Variants in CLASP2 observed in about 807,000 individuals in gnomAD.
CLASP2 encodes the protein cytoplasmic linker associated protein 2, also known as CLIP-associating protein 2.
In CLASP2, 47 loss-of-function variants were observed where a neutral mutation model predicts 194.4. That is an observed-to-expected ratio of 0.24 (90% CI 0.19 to 0.31). The LOEUF is 0.31. CLASP2 is among the 10% of genes least tolerant of loss of function. The pLI, the probability that CLASP2 is intolerant of heterozygous loss-of-function variation, is 1.00. For missense variants in CLASP2, 1,445 were observed against 1,823.6 expected (o/e 0.79, Z 3.78); for synonymous variants, 619 against 633.5 (o/e 0.98, Z 0.34).
intron 34 of CLASP2, among the ~76,000 whole-genome samples, chr3:33,534,660 A>G (rs952859895): frequency 6.6e-6 from 1 of 152,184 alleles, no homozygotes; most frequent in Non-Finnish European, 1.5e-5. Flanking sequence ...GGGATTAGGT[A>G]GTATAATCAT....
chr3:33,576,343 C>CT, intron 23 of CLASP2, 68 bp from the exon 24 acceptor site: 2 of 1,214,112 alleles, frequency 1.6e-6, no homozygotes, highest in Non-Finnish European at 2.4e-6. Flanking sequence ...GGTTGGGAAA[C>CT]TTTAAGACCT....
intron 7 of CLASP2, among the ~76,000 whole-genome samples, chr3:33,648,203 G>GA: frequency 6.6e-6 from 1 of 152,068 alleles, no homozygotes; most frequent in Non-Finnish European, 1.5e-5. Context: ...AAATATAAAT[G>GA]AACTAGTAAA....
At chr3:33,680,269 T>C (rs1485520392) in intron 6 of CLASP2, among the ~76,000 whole-genome samples, 1 of 152,194 alleles carries the variant, frequency 6.6e-6, no homozygotes, top group Non-Finnish European at 1.5e-5. Context: ...GATACTACAA[T>C]AGCGGACACA....
At chr3:33,675,928 T>TA (rs2088520151) in intron 6 of CLASP2, among the ~76,000 whole-genome samples, 1 of 150,080 alleles carries the variant, frequency 6.7e-6, no homozygotes, top group Non-Finnish European at 1.5e-5. Flanking sequence ...TCAATGAAAT[T>TA]AAAGAGGATA....
At chr3:33,614,076 T>C (rs1172540765) in intron 12 of CLASP2, among the ~76,000 whole-genome samples, 2 of 152,074 alleles carry the variant, frequency 1.3e-5, no homozygotes, top group East Asian at 3.9e-4. Context: ...AATTAGAAAT[T>C]AAGTACAGCA....
intron 12 of CLASP2, 106 bp downstream of exon 12, chr3:33,619,497 C>T (rs1190185647): frequency 4.1e-6 from 4 of 978,820 alleles, no homozygotes; most frequent in East Asian, 5.9e-5. Flanking sequence ...CCATGACTTA[C>T]ATTGAGAGAG....
At chr3:33,539,371 C>T (rs1014720585) in intron 32 of CLASP2, among the ~76,000 whole-genome samples, 4 of 152,000 alleles carry the variant, frequency 2.6e-5, no homozygotes, top group Non-Finnish European at 5.9e-5. Context: ...TCTCACTCTT[C>T]TCCCCCAGGC....
rs372109181 is a variant in CLASP2, at chr3:33,592,399, T to C, written c.2064A>G (p.Ser688=). The change falls in exon 21 of 39, where the codon TCA becomes TCG. Residue 688 remains serine, a synonymous_variant. Transcript: ENST00000682230. ...GGGCTGATAAGCAATACATACGCTG[T>C]GATTGAGACACCATTTTTGTTCGAC... ...GRSRTKMVSQ[S]QPGSRSGSPG... 1 of 1,609,146 alleles carries C rather than the reference T, an allele frequency of 6.2e-7. No individual in the cohort carries two copies. The highest frequency in any genetic ancestry group is 8.5e-7 in the Non-Finnish European group (1 of 1,176,072).
At chr3:33,592,554 T>C (rs1182107463) in intron 20 of CLASP2, 58 bp from the exon 21 acceptor site, 1 of 1,340,816 alleles carries the variant, frequency 7.5e-7, no homozygotes, top group African/African-American at 1.5e-5. Context: ...TGTTTAATAA[T>C]GAGAGGAGAA....
intron 12 of CLASP2, 67 bp downstream of exon 12, chr3:33,619,536 A>G: frequency 7.4e-7 from 1 of 1,354,852 alleles, no homozygotes; most frequent in Non-Finnish European, 9.7e-7. Context: ...GGAGAGAAAA[A>G]GGGGGAGGAA....
At position 33,596,593 on chromosome 3, in the gene CLASP2, T is replaced by C. The variant is rs757759150; in HGVS notation, c.1948+118A>G. ...TGTAGCCATTTTCACATTAACATTA[T>C]CACTAAATAAGTATTAATAATATAT... On this transcript the variant is annotated intron_variant, in intron 19 of 38. Transcript: ENST00000682230. 5 of 784,866 alleles carry C rather than the reference T, an allele frequency of 6.4e-6. No individual in the cohort carries two copies. The Admixed American group carries it at 9.0e-5, about 14-fold the overall frequency. 48.6% of individuals were successfully genotyped at this position (784,866 alleles called of 1,614,324 possible).
chr3:33,521,662 C>T (rs1160141444), intron 34 of CLASP2, among the ~76,000 whole-genome samples: 1 of 152,132 alleles, frequency 6.6e-6, no homozygotes, highest in East Asian at 1.9e-4. Context: ...TGAAATGGAT[C>T]CTTTAGCTGT....
intron 8 of CLASP2, among the ~76,000 whole-genome samples, chr3:33,642,997 T>C (rs930639474): frequency 7.9e-5 from 12 of 151,896 alleles, no homozygotes; most frequent in African/African-American, 1.9e-4. Context: ...ATAAAATCTT[T>C]AAGTGATTAA....
At chr3:33,505,224 TAAAAACAAC>T (rs2047810428) in intron 37 of CLASP2, 3 of 133,286 alleles carry the variant, frequency 2.3e-5, no homozygotes, top group Admixed American at 7.7e-5. Context: ...ATGCCAGAGA[TAAAAACAAC>T]AACAACAACA....
At chr3:33,525,943 G>T (rs2154117983) in intron 34 of CLASP2, among the ~76,000 whole-genome samples, 2 of 152,326 alleles carry the variant, frequency 1.3e-5, no homozygotes, top group South Asian at 4.1e-4. Context: ...GGGGCAGGCT[G>T]CCATCTTTGC....
Position 33,517,065 on chromosome 3 carries a change from C to A in CLASP2, c.3897G>T (p.Leu1299=). ...RKIALYELMK[L]TQEESFSVWD... is the part of the protein sequence containing the mutation. ...AAACACTAAAAGATTCTTCCTGTGT[C>A]AGTTTCATAAGTTCATAGAGGGCAA... Residue 1299 remains leucine, a synonymous_variant, in exon 35 of 39, where the codon CTG becomes CTT. Coordinates refer to ENST00000682230, the MANE Select transcript of CLASP2 (RefSeq NM_001365631.1). 2 of 1,613,660 alleles carry A rather than the reference C, an allele frequency of 1.2e-6. No individual in the cohort carries two copies. The highest frequency in any genetic ancestry group is 2.2e-5 in the South Asian group (2 of 91,046).
intron 20 of CLASP2, chr3:33,592,765 A>C (rs1560199980): frequency 2.3e-6 from 1 of 441,506 alleles, no homozygotes; most frequent in Non-Finnish European, 4.1e-6. Flanking sequence ...GTTACAATTA[A>C]GATAATCACC....
intron 9 of CLASP2, among the ~76,000 whole-genome samples, chr3:33,631,222 T>C (rs918520447): frequency 2.0e-5 from 3 of 152,202 alleles, no homozygotes; most frequent in Admixed American, 6.5e-5. Flanking sequence ...ACAACAAGTA[T>C]TGGCAAGGAT....
At chr3:33,603,560 T>C (rs995014658) in intron 17 of CLASP2, among the ~76,000 whole-genome samples, 2 of 152,190 alleles carry the variant, frequency 1.3e-5, no homozygotes, top group Admixed American at 6.5e-5. Flanking sequence ...GTTCTGCCAC[T>C]CCATGGGAAT....
Sources: gnomAD v4.1 joint callset for allele counts (sites outside exome capture counted in the v4.1 genomes callset) on GRCh38, gnomAD v4.1.1 for gene constraint, MANE v1.5 for transcripts, NCBI Gene and HGNC (gene_info 2026-07-23, HGNC 2026-07-21) for gene names.